The following CCNY variants were observed in gnomAD, a reference collection of about 807,000 sequenced individuals.
CCNY encodes the protein cyclin Y.
Under a neutral mutation model 42.8 loss-of-function variants are expected in CCNY, and 19 were observed. That is an observed-to-expected ratio of 0.44 (90% CI 0.31 to 0.65). The LOEUF (loss-of-function observed/expected upper bound fraction) is 0.65, where lower values mean the gene tolerates loss of function less well. CCNY is among the 30% of genes least tolerant of loss of function. The pLI is 0.07. For synonymous variants in CCNY, 165 were observed against 162.7 expected (o/e 1.01, Z -0.11); for missense variants, 370 against 437.3 (o/e 0.85, Z 1.37).
chr10:35,372,892 T>C (rs760660253), intron 1 of CCNY, among the ~76,000 whole-genome samples: 1 of 152,172 alleles, frequency 6.6e-6, no homozygotes, highest in Non-Finnish European at 1.5e-5. Context: ...GAGACAGGGC[T>C]TCACCATGTT....
At chr10:35,328,133 A>G (rs1419323995) in intron 3 of CCNY, among the ~76,000 whole-genome samples, 1 of 152,230 alleles carries the variant, frequency 6.6e-6, no homozygotes, top group African/African-American at 2.4e-5. Context: ...CAAAGGGATA[A>G]TAAACTGGCA....
At chr10:35,391,410 C>T (rs1269369514) in intron 1 of CCNY, among the ~76,000 whole-genome samples, 1 of 152,096 alleles carries the variant, frequency 6.6e-6, no homozygotes, top group African/African-American at 2.4e-5. Context: ...AAGGGTGACT[C>T]AGGTCAAAGC....
chr10:35,560,090 A>G (rs534049210), intron 8 of CCNY, among the ~76,000 whole-genome samples: 1 of 152,234 alleles, frequency 6.6e-6, no homozygotes, highest in South Asian at 2.1e-4. Flanking sequence ...ACAGCTGGAG[A>G]GGAATTTTGC....
At chr10:35,449,758 G>A (rs982315434) in intron 1 of CCNY, 2 of 985,214 alleles carry the variant, frequency 2.0e-6, no homozygotes, top group African/African-American at 3.5e-5. Context: ...GCACAATGGA[G>A]GCAAGAAGGC....
At chr10:35,445,996 C>G (rs1037601482) in intron 1 of CCNY, among the ~76,000 whole-genome samples, 1 of 152,154 alleles carries the variant, frequency 6.6e-6, no homozygotes, top group Admixed American at 6.5e-5. Flanking sequence ...CCTTTACTCT[C>G]ATAAGAAAAG....
chr10:35,401,329 G>A (rs935812782), intron 1 of CCNY, among the ~76,000 whole-genome samples: 1 of 152,224 alleles, frequency 6.6e-6, no homozygotes, highest in African/African-American at 2.4e-5. Context: ...AGTGCTGTCT[G>A]TCTGTCTGGT....
At chr10:35,303,777 CAAAAAAAAAAAAA>C (rs755443366) in intron 3 of CCNY, among the ~76,000 whole-genome samples, 1 of 48,522 alleles carries the variant, frequency 2.1e-5, no homozygotes. Context: ...AACTCCGTCT[CAAAAAAAAAAAAA>C]AAAAAAAAAA....
At chr10:35,288,699 A>C (rs965590753) in intron 3 of CCNY, among the ~76,000 whole-genome samples, 19 of 152,164 alleles carry the variant, frequency 1.2e-4, no homozygotes, top group Non-Finnish European at 1.9e-4. Flanking sequence ...CCCCATAAGG[A>C]TGCCCAGTTG....
At chr10:35,504,980 G>A (rs544316679) in intron 3 of CCNY, among the ~76,000 whole-genome samples, 2 of 152,042 alleles carry the variant, frequency 1.3e-5, no homozygotes, top group South Asian at 4.2e-4. Flanking sequence ...TTTTTAAAAG[G>A]CTGTGTAAAG....
chr10:35,523,949 A>G (rs1002402291), intron 4 of CCNY, among the ~76,000 whole-genome samples: 2 of 152,238 alleles, frequency 1.3e-5, no homozygotes, highest in African/African-American at 4.8e-5. Context: ...CAGGGGAAGC[A>G]GGAACATCTT....
At chr10:35,403,899 A>G (rs369120705) in intron 1 of CCNY, among the ~76,000 whole-genome samples, 22 of 152,376 alleles carry the variant, frequency 1.4e-4, no homozygotes, top group East Asian at 1.3e-3. Flanking sequence ...AAATGTGATC[A>G]GGGTGAGGAA....
chr10:35,450,914 T>C (rs1838902268), intron 1 of CCNY, among the ~76,000 whole-genome samples: 1 of 152,084 alleles, frequency 6.6e-6, no homozygotes, highest in African/African-American at 2.4e-5. Context: ...TGGGACTGTT[T>C]AAAAGAAGGG....
intron 3 of CCNY, among the ~76,000 whole-genome samples, chr10:35,318,767 A>G (rs1835789488): frequency 6.6e-6 from 1 of 152,126 alleles, no homozygotes; most frequent in African/African-American, 2.4e-5. Context: ...TAAAAAAAAA[A>G]TAGTAAAAGA....
At chr10:35,416,317 G>C (rs973729359) in intron 1 of CCNY, among the ~76,000 whole-genome samples, 2 of 152,036 alleles carry the variant, frequency 1.3e-5, no homozygotes, top group Non-Finnish European at 2.9e-5. Flanking sequence ...TAAAGTGGAG[G>C]GCCATTAATG....
intron 1 of CCNY, among the ~76,000 whole-genome samples, chr10:35,367,295 A>G (rs1053728803): frequency 6.6e-6 from 1 of 152,256 alleles, no homozygotes; most frequent in Admixed American, 6.5e-5. Context: ...ACTGTATAGT[A>G]TTCTATTTTG....
chr10:35,479,788 G>C (rs1839623489), intron 1 of CCNY, among the ~76,000 whole-genome samples: 1 of 151,800 alleles, frequency 6.6e-6, no homozygotes, highest in South Asian at 2.1e-4. Flanking sequence ...AAACATCATA[G>C]AGGTGAACTG....
intron 7 of CCNY, among the ~76,000 whole-genome samples, chr10:35,552,161 T>C (rs1329781214): frequency 1.3e-5 from 2 of 152,192 alleles, no homozygotes; most frequent in South Asian, 2.1e-4. Flanking sequence ...TGATGGTGTA[T>C]ATGCATACAG....
chr10:35,549,573 A>G (rs1420727333), intron 7 of CCNY, among the ~76,000 whole-genome samples: 13 of 99,330 alleles, frequency 1.3e-4, no homozygotes, highest in Admixed American at 5.1e-4. Context: ...GCTGCTCATG[A>G]CACATGACCC....
rs201081928 is a variant in CCNY, at chr10:35,254,873, AG to A, written c.-9+4249del. On this transcript the variant is annotated intron_variant, in intron 3 of 11. Transcript: ENST00000374706. Reference sequence around the variant, plus strand: ...AAAGGAAAGAAAAAAAGAAAAAAAAAGGTGTGTTGTTTAATTTCTATGAATT... The same window carrying A: ...AAAGGAAAGAAAAAAAGAAAAAAAAAGTGTGTTGTTTAATTTCTATGAATT... 1.5e-3 allele frequency among the ~76,000 whole-genome samples: 230 copies of A among 151,200 alleles called. 2 individuals carry two copies. The highest frequency in any genetic ancestry group is 5.1e-3 in the African/African-American group (211 of 41,154).
Sources: gnomAD v4.1 joint callset for allele counts (sites outside exome capture counted in the v4.1 genomes callset) on GRCh38, gnomAD v4.1.1 for gene constraint, MANE v1.5 for transcripts, NCBI Gene and HGNC (gene_info 2026-07-23, HGNC 2026-07-21) for gene names.